Variants in IFT57 observed in about 807,000 individuals in gnomAD.
The protein encoded by IFT57 is intraflagellar transport 57, also known as intraflagellar transport protein 57 homolog.
Under a neutral mutation model 56.8 loss-of-function variants are expected in IFT57, and 59 were observed. That is an observed-to-expected ratio of 1.04 (90% CI 0.84 to 1.29). IFT57 has a LOEUF of 1.29. Among genes scored for constraint, IFT57 ranks in the 50% most tolerant of loss-of-function variants. The probability of loss-of-function intolerance (pLI) is 0.00; values close to 1 mark genes in which losing one functional copy is unlikely to be tolerated. For synonymous variants in IFT57, 209 were observed against 186.1 expected, an observed-to-expected ratio of 1.12 and a Z score of -1.00; for missense variants, 470 against 522.1, an observed-to-expected ratio of 0.90 and a Z score of 0.97.
chr3:108,175,639 C>G (rs2080119968), intron 6 of IFT57, among the ~76,000 whole-genome samples: 1 of 151,732 alleles, frequency 6.6e-6, no homozygotes, highest in African/African-American at 2.4e-5. Context: ...TATGAAGAGG[C>G]ATTTTCTTTG....
In IFT57 at chr3:108,206,566, A is replaced by G. The variant is rs2080315109; in HGVS notation, c.654+62T>C. ...CCAACAACGGTTTCTACTCATTTAA[A>G]TTTCCAGCAGAACATGTACATTGAT... On this transcript the variant is annotated intron_variant, in intron 5 of 10. Coordinates refer to ENST00000264538, the MANE Select transcript of IFT57 (RefSeq NM_018010.4). The G allele has an allele frequency of 2.9e-5, 21 of 720,882 alleles. No homozygotes were observed. In the South Asian group the frequency reaches 7.3e-4, roughly 25 times the overall value. 44.7% of individuals were successfully genotyped at this position (720,882 alleles called of 1,614,324 possible).
rs988994790 is a variant in IFT57, at chr3:108,161,629, T to G, written c.*848A>C. The G allele has an allele frequency of 2.6e-5, 4 of 152,136 alleles. No homozygotes were observed. The East Asian group carries it at 7.7e-4, about 29-fold the overall frequency. The allele number at this position is 152,136 out of a possible 1,614,324, so 9.4% of individuals were successfully genotyped here. A position where few individuals can be genotyped will look rare whatever the true frequency, so the allele number is the denominator to read the frequency against. Reference sequence around the variant, plus strand: ...ATTCTGGCACTCTAATGCTGCTTTTTTCACCAATTTAGAAATCCTAGCCTA... The same window carrying G: ...ATTCTGGCACTCTAATGCTGCTTTTGTCACCAATTTAGAAATCCTAGCCTA... On this transcript the variant is annotated 3_prime_UTR_variant, in exon 11 of 11. Transcript: ENST00000264538.
rs769154579 is a variant in IFT57 at position 108,191,533 on chromosome 3, C to T, written c.765G>A (p.Arg255=). The T allele has an allele frequency of 1.4e-5, 22 of 1,603,888 alleles. No individual in the cohort carries two copies. Among genetic ancestry groups the T allele is most frequent in the Non-Finnish European group, 1.8e-5 (21 of 1,175,460 alleles). The change falls in exon 6 of 11, where the codon AGG becomes AGA. Residue 255 remains arginine (R), a synonymous_variant. Transcript: ENST00000264538. ...RVLPQLKVTI[R]TDNKDWRIHV... Reference sequence around the variant, plus strand: ...CCCACTTTGATACCTTATTGTCAGTCCTAATCGTGACTTTCAGTTGCGGTA... The same window carrying T: ...CCCACTTTGATACCTTATTGTCAGTTCTAATCGTGACTTTCAGTTGCGGTA...
chr3:108,171,965 A>G (rs371045169), intron 6 of IFT57, among the ~76,000 whole-genome samples: 15 of 151,766 alleles, frequency 9.9e-5, no homozygotes, highest in African/African-American at 3.1e-4. Flanking sequence ...ACATACATAC[A>G]TATACAAATA....
chr3:108,216,131 T>A (rs72935713), intron 3 of IFT57, among the ~76,000 whole-genome samples: 1 of 151,934 alleles, frequency 6.6e-6, no homozygotes, highest in Admixed American at 6.6e-5. Context: ...AATAAACAAA[T>A]GCGATTACAT....
chr3:108,186,401 C>A (rs748011361), intron 6 of IFT57, among the ~76,000 whole-genome samples: 1 of 149,988 alleles, frequency 6.7e-6, no homozygotes, highest in Non-Finnish European at 1.5e-5. Context: ...AATAAAAATA[C>A]CAGAGGAATT....
In IFT57 at chr3:108,213,063, G is replaced by T. The variant is rs546525609; in HGVS notation, c.585+868C>A. Among the ~76,000 whole-genome samples, 273 of 152,142 alleles carry T rather than the reference G, an allele frequency of 1.8e-3. 2 individuals are homozygous for T. Among genetic ancestry groups the T allele is most frequent in the Middle Eastern group, 0.01 (3 of 294 alleles). ...GTATGTATGTTTTCTCTCCCTTATG[G>T]CTTGCTTAGTAACATTTTCTTTTCT... On this transcript the variant is annotated intron_variant, in intron 4 of 10. Transcript: ENST00000264538.
chr3:108,177,374 C>T (rs2080129929), intron 6 of IFT57, among the ~76,000 whole-genome samples: 1 of 151,730 alleles, frequency 6.6e-6, no homozygotes, highest in South Asian at 2.1e-4. Flanking sequence ...ACCTGCATAA[C>T]ATTATACCCA....
At chr3:108,196,073 T>C (rs747689385) in intron 5 of IFT57, among the ~76,000 whole-genome samples, 1 of 152,158 alleles carries the variant, frequency 6.6e-6, no homozygotes, top group African/African-American at 2.4e-5. Flanking sequence ...TCATTACGCA[T>C]TGTATGCCTT....
intron 3 of IFT57, among the ~76,000 whole-genome samples, chr3:108,214,946 A>G (rs57362125): frequency 0.091 from 13,912 of 152,164 alleles, 700 homozygotes; most frequent in Middle Eastern, 0.12. Flanking sequence ...ATCATATATT[A>G]GAGGCTTTCT....
chr3:108,215,084 C>T (rs975586190), intron 3 of IFT57, among the ~76,000 whole-genome samples: 1 of 152,098 alleles, frequency 6.6e-6, no homozygotes, highest in African/African-American at 2.4e-5. Flanking sequence ...CAGCTTTCTT[C>T]TTATTTCCAA....
At chr3:108,163,512 C>T (rs186428835) in intron 10 of IFT57, 151 bp downstream of exon 10, 139 of 576,236 alleles carry the variant, frequency 2.4e-4, no homozygotes, top group Non-Finnish European at 3.8e-4. Flanking sequence ...AAACAGTACG[C>T]TGATTATCAG....
chr3:108,167,809 G>T lies in IFT57; in HGVS notation c.833C>A (p.Ala278Asp). The change falls in exon 7 of 11, where the codon GCT becomes GAT. Residue 278 changes from alanine (A) to aspartate (D), a missense_variant. Ala to Asp is a moderately radical substitution (Grantham distance 126). Transcript: ENST00000264538. ...TTCATATACCTTGGTCTCCTTTAGA[G>T]CAGATTCAATTCCACTTCTGTGCTG... Reference protein sequence around the residue: ...MHQHRSGIESALKETKGFLDK... With the variant: ...MHQHRSGIESDLKETKGFLDK... The T allele has an allele frequency of 6.3e-7, 1 of 1,589,682 alleles. No homozygotes were observed. The highest frequency in any genetic ancestry group is 8.6e-7 in the Non-Finnish European group (1 of 1,168,390).
intron 5 of IFT57, among the ~76,000 whole-genome samples, chr3:108,196,027 C>T (rs934967873): frequency 1.1e-4 from 17 of 152,036 alleles, no homozygotes; most frequent in African/African-American, 2.9e-4. Context: ...ATGATAAATG[C>T]TTGAGGTGAT....
rs191409435 is a variant in IFT57 at position 108,194,139 on chromosome 3, T to C, written c.655-2496A>G. Among the ~76,000 whole-genome samples, 136 of 152,292 alleles carry C rather than the reference T, an allele frequency of 8.9e-4. 1 individual carries two copies. Among genetic ancestry groups the C allele is most frequent in the East Asian group, 1.7e-3 (9 of 5,182 alleles). Reference sequence around the variant, plus strand: ...AGAATGCAGGTATTGCATCAAATGATAAATTCAGTAACATTATAGGGAACA... The same window carrying C: ...AGAATGCAGGTATTGCATCAAATGACAAATTCAGTAACATTATAGGGAACA... On this transcript the variant is annotated intron_variant, in intron 5 of 10. Coordinates refer to ENST00000264538, the MANE Select transcript of IFT57 (RefSeq NM_018010.4).
chr3:108,207,431 G>A (rs775678828), intron 4 of IFT57, among the ~76,000 whole-genome samples: 1 of 152,066 alleles, frequency 6.6e-6, no homozygotes, highest in East Asian at 1.9e-4. Flanking sequence ...ATATGTCTTT[G>A]TGGTGACAAG....
chr3:108,184,519 A>AC (rs1445763874), intron 6 of IFT57, among the ~76,000 whole-genome samples: 3 of 152,082 alleles, frequency 2.0e-5, no homozygotes, highest in African/African-American at 2.4e-5. Flanking sequence ...TAAATATACA[A>AC]AAAAAACTAT....
At chr3:108,199,877 C>T (rs997230215) in intron 5 of IFT57, among the ~76,000 whole-genome samples, 1 of 152,056 alleles carries the variant, frequency 6.6e-6, no homozygotes, top group African/African-American at 2.4e-5. Flanking sequence ...GAACCTTGAA[C>T]ATTTGAGTCA....
chr3:108,212,169 A>T (rs2080345391), intron 4 of IFT57, among the ~76,000 whole-genome samples: 1 of 151,902 alleles, frequency 6.6e-6, no homozygotes, highest in African/African-American at 2.4e-5. Context: ...TTTGGTAGAG[A>T]TGAGGACTCA....
Sources: gnomAD v4.1 joint callset for allele counts (sites outside exome capture counted in the v4.1 genomes callset) on GRCh38, gnomAD v4.1.1 for gene constraint, MANE v1.5 for transcripts, NCBI Gene and HGNC (gene_info 2026-07-23, HGNC 2026-07-21) for gene names.